Variants in DTNA observed in about 807,000 individuals in gnomAD.
The protein encoded by DTNA is dystrobrevin alpha.
Under a neutral mutation model 100.7 loss-of-function variants are expected in DTNA, and 43 were observed. The observed-to-expected ratio is 0.43, with a 90% CI of 0.33 to 0.55. DTNA has a LOEUF of 0.55. Among genes scored for constraint, DTNA ranks in the 20% least tolerant of loss-of-function variants. The pLI is 0.04. For synonymous variants in DTNA, 349 were observed against 347.9 expected, an observed-to-expected ratio of 1.00 and a Z score of -0.04; for missense variants, 798 against 953.9, an observed-to-expected ratio of 0.84 and a Z score of 2.15.
At chr18:34,618,167 G>C (rs1283902700) in intron 1 of DTNA, among the ~76,000 whole-genome samples, 1 of 151,998 alleles carries the variant, frequency 6.6e-6, no homozygotes, top group African/African-American at 2.4e-5. Flanking sequence ...AGAGTACAAG[G>C]GTCAAGAGTC....
chr18:34,620,701 C>T (rs1434856380), intron 1 of DTNA, among the ~76,000 whole-genome samples: 2 of 151,998 alleles, frequency 1.3e-5, no homozygotes, highest in African/African-American at 2.4e-5. Context: ...AGGGAGGTGC[C>T]CTACACTTTT....
At chr18:34,592,596 C>G (rs568976334) in intron 1 of DTNA, among the ~76,000 whole-genome samples, 2 of 151,858 alleles carry the variant, frequency 1.3e-5, no homozygotes, top group Admixed American at 1.3e-4. Context: ...TGCACTCTCT[C>G]CTGTTTGGTT....
intron 1 of DTNA, among the ~76,000 whole-genome samples, chr18:34,731,847 T>C (rs2088323752): frequency 1.3e-5 from 2 of 152,080 alleles, no homozygotes; most frequent in South Asian, 4.1e-4. Flanking sequence ...ATGTGGAGAG[T>C]TTTTCTTTCT....
At chr18:34,842,831 G>A (rs947207753) in intron 13 of DTNA, among the ~76,000 whole-genome samples, 81 of 152,208 alleles carry the variant, frequency 5.3e-4, no homozygotes, top group Non-Finnish European at 8.8e-4. Flanking sequence ...GTCATTGTTT[G>A]GTTGGTTAGT....
intron 6 of DTNA, among the ~76,000 whole-genome samples, chr18:34,813,748 A>G (rs2095534627): frequency 6.6e-6 from 1 of 150,786 alleles, no homozygotes; most frequent in Non-Finnish European, 1.5e-5. Flanking sequence ...AGCTAGAAGC[A>G]GGAGAATTGC....
rs2075834746 is a variant in DTNA at position 34,665,767 on chromosome 18, G to T, written c.-1-90209G>T. Reference sequence around the variant, plus strand: ...AGAACATGAACTCATCATTTTTATGGCTGCATAGTATTCCATGGTGTATAT... The same window carrying T: ...AGAACATGAACTCATCATTTTTATGTCTGCATAGTATTCCATGGTGTATAT... On this transcript the variant is annotated intron_variant, in intron 1 of 19. Coordinates refer to the DTNA transcript ENST00000283365. Among the ~76,000 whole-genome samples the T allele has an allele frequency of 3.3e-5, 5 of 152,188 alleles. No individual in the cohort carries two copies. The Middle Eastern group carries it at 0.01, about 311-fold the overall frequency.
At chr18:34,865,130 G>C (rs141766804) in intron 17 of DTNA, among the ~76,000 whole-genome samples, 1 of 152,302 alleles carries the variant, frequency 6.6e-6, no homozygotes, top group East Asian at 1.9e-4. Flanking sequence ...TAGGAGAATG[G>C]TAAAGGGAAG....
chr18:34,767,969 C>A (rs901975587), intron 3 of DTNA, among the ~76,000 whole-genome samples: 3 of 152,128 alleles, frequency 2.0e-5, no homozygotes, highest in African/African-American at 7.2e-5. Context: ...TATTTGTAGT[C>A]CTAATGAGTC....
At chr18:34,654,285 G>A (rs2074035679) in intron 1 of DTNA, among the ~76,000 whole-genome samples, 2 of 152,228 alleles carry the variant, frequency 1.3e-5, no homozygotes, top group Admixed American at 1.3e-4. Context: ...CCATTTCAAT[G>A]TAGTTACTTC....
intron 1 of DTNA, among the ~76,000 whole-genome samples, chr18:34,658,520 T>A (rs763423339): frequency 2.4e-4 from 29 of 120,260 alleles, no homozygotes; most frequent in Non-Finnish European, 4.5e-4. Flanking sequence ...ATCTGGCTAA[T>A]TTTTTTGTAT....
intron 17 of DTNA, chr18:34,866,378 A>G: frequency 7.2e-7 from 1 of 1,379,552 alleles, no homozygotes; most frequent in Non-Finnish European, 9.4e-7. Flanking sequence ...AAGGGAACGA[A>G]TTGTCATTTA....
intron 7 of DTNA, among the ~76,000 whole-genome samples, chr18:34,816,306 A>G (rs1387058782): frequency 6.6e-6 from 1 of 152,200 alleles, no homozygotes; most frequent in Admixed American, 6.5e-5. Context: ...GGAGTGTGAC[A>G]TTATTTTGTA....
At chr18:34,707,521 G>T (rs778447861), upstream of DTNA, among the ~76,000 whole-genome samples, 1 of 152,088 alleles carries the variant, frequency 6.6e-6, no homozygotes, top group Admixed American at 6.5e-5. Context: ...TGCACCTTCT[G>T]TTTGGCAATC....
At chr18:34,503,673 C>T (rs1188998205) in intron 1 of DTNA, among the ~76,000 whole-genome samples, 1 of 151,800 alleles carries the variant, frequency 6.6e-6, no homozygotes, top group Non-Finnish European at 1.5e-5. Flanking sequence ...AATATTAATA[C>T]AATACTTTAG....
chr18:34,618,636 G>A (rs1246495108), intron 1 of DTNA, among the ~76,000 whole-genome samples: 10 of 152,014 alleles, frequency 6.6e-5, no homozygotes, highest in Non-Finnish European at 1.5e-5. Flanking sequence ...TGTTTTTAAG[G>A]GCTTTGTGTT....
chr18:34,809,393 G>T (rs1292781791), intron 5 of DTNA, among the ~76,000 whole-genome samples: 1 of 152,148 alleles, frequency 6.6e-6, no homozygotes, highest in Non-Finnish European at 1.5e-5. Flanking sequence ...GGAGGCAGAG[G>T]TTGCGTGAGT....
chr18:34,584,200 C>G (rs1460301875), intron 1 of DTNA, among the ~76,000 whole-genome samples: 1 of 152,046 alleles, frequency 6.6e-6, no homozygotes, highest in Admixed American at 6.6e-5. Flanking sequence ...TCAGCTTTGT[C>G]TAATGGTTTT....
Position 34,770,551 on chromosome 18 carries a change from C to A in DTNA, c.148+4510C>A, listed in dbSNP as rs747626461. 3.3e-5 allele frequency among the ~76,000 whole-genome samples: 5 copies of A among 152,182 alleles called. No homozygotes were observed. In the Middle Eastern group the frequency reaches 0.014, roughly 414 times the overall value. On this transcript the variant is annotated intron_variant, in intron 3 of 22. Transcript: ENST00000444659. The stretch of plus-strand genomic sequence containing the variant: ...TATCACTGACATTCATGTTTATTTT[C>A]TTCTGTTCAATTCCTAATGTATGCT...
chr18:34,740,839 T>G (rs1283265738), intron 1 of DTNA, among the ~76,000 whole-genome samples: 1 of 151,382 alleles, frequency 6.6e-6, no homozygotes, highest in Non-Finnish European at 1.5e-5. Flanking sequence ...TCCACAGTAG[T>G]GTTAATGCTT....
Sources: gnomAD v4.1 joint callset for allele counts (sites outside exome capture counted in the v4.1 genomes callset) on GRCh38, gnomAD v4.1.1 for gene constraint, MANE v1.5 for transcripts, NCBI Gene and HGNC (gene_info 2026-07-23, HGNC 2026-07-21) for gene names.